The following SAMTOR variants were observed in gnomAD, a reference collection of about 807,000 sequenced individuals.
The protein encoded by SAMTOR is S-adenosylmethionine sensor upstream of mTORC1.
chr7:112,871,128 TA>T, the SAMTOR span, among the ~76,000 whole-genome samples: 50 of 152,098 alleles, frequency 3.3e-4, 1 homozygote, highest in African/African-American at 9.7e-4. Flanking sequence ...GGCAAAAAAC[TA>T]AAATTCTGGA....
At chr7:112,888,668 A>G in the SAMTOR span, among the ~76,000 whole-genome samples, 2 of 152,174 alleles carry the variant, frequency 1.3e-5, no homozygotes, top group Admixed American at 6.5e-5. Context: ...AACCCTTGCT[A>G]TCTGAACCCA....
At chr7:112,834,357 T>C in the SAMTOR span, among the ~76,000 whole-genome samples, 1 of 152,176 alleles carries the variant, frequency 6.6e-6, no homozygotes, top group African/African-American at 2.4e-5. Flanking sequence ...GCTTTTATTA[T>C]CTTTTTTCCC....
At chr7:112,920,479 C>T in the SAMTOR span, among the ~76,000 whole-genome samples, 1 of 148,840 alleles carries the variant, frequency 6.7e-6, no homozygotes, top group South Asian at 2.2e-4. Flanking sequence ...TATGACAAAC[C>T]CACAGCCAAT....
the SAMTOR span, among the ~76,000 whole-genome samples, chr7:112,843,207 C>T: frequency 0.027 from 4,052 of 151,976 alleles, 64 homozygotes; most frequent in Middle Eastern, 0.045. Context: ...AAAGACAGAT[C>T]CCTTTTCAAA....
At chr7:112,928,831 T>C in the SAMTOR span, among the ~76,000 whole-genome samples, 9 of 152,110 alleles carry the variant, frequency 5.9e-5, no homozygotes, top group South Asian at 1.5e-3. Context: ...TTTTGTGTTA[T>C]TGTCAAAAGA....
chr7:112,840,724 G>A, the SAMTOR span, among the ~76,000 whole-genome samples: 15 of 151,520 alleles, frequency 9.9e-5, no homozygotes, highest in Admixed American at 7.2e-4. Context: ...TCTATTTCCC[G>A]TAGAAATTTT....
At chr7:112,842,027 C>G in the SAMTOR span, among the ~76,000 whole-genome samples, 1 of 152,072 alleles carries the variant, frequency 6.6e-6, no homozygotes, top group Non-Finnish European at 1.5e-5. Flanking sequence ...CTTTATAGGT[C>G]TGTTCTTGCT....
the SAMTOR span, among the ~76,000 whole-genome samples, chr7:112,894,391 T>C: frequency 6.6e-6 from 1 of 152,164 alleles, no homozygotes; most frequent in South Asian, 2.1e-4. Context: ...AAAACAGACA[T>C]CATAATAATG....
At chr7:112,892,337 T>C in the SAMTOR span, among the ~76,000 whole-genome samples, 2 of 152,220 alleles carry the variant, frequency 1.3e-5, no homozygotes, top group African/African-American at 4.8e-5. Context: ...AATATTCTGA[T>C]CTGCTCCCAT....
At chr7:112,830,232 T>G in the SAMTOR span, among the ~76,000 whole-genome samples, 3 of 152,172 alleles carry the variant, frequency 2.0e-5, no homozygotes, top group African/African-American at 7.2e-5. Context: ...GAGATTACTG[T>G]CCTTCATTAC....
chr7:112,898,713 T>C, the SAMTOR span, among the ~76,000 whole-genome samples: 1 of 152,222 alleles, frequency 6.6e-6, no homozygotes, highest in African/African-American at 2.4e-5. Context: ...TCTGTGTCAC[T>C]TCTTCCCCAA....
the SAMTOR span, among the ~76,000 whole-genome samples, chr7:112,857,965 G>T: frequency 6.6e-6 from 1 of 152,128 alleles, no homozygotes; most frequent in South Asian, 2.1e-4. Flanking sequence ...ATGTCCCCTG[G>T]GATGCACAAT....
the SAMTOR span, among the ~76,000 whole-genome samples, chr7:112,890,196 C>T: frequency 1.3e-5 from 2 of 152,084 alleles, no homozygotes; most frequent in Non-Finnish European, 2.9e-5. Flanking sequence ...ATTTGAAAAG[C>T]GCCTAAATGT....
the SAMTOR span, among the ~76,000 whole-genome samples, chr7:112,841,155 A>G: frequency 6.6e-6 from 1 of 152,166 alleles, no homozygotes; most frequent in East Asian, 1.9e-4. Context: ...CTCTTTGCAG[A>G]TGACATGATT....
the SAMTOR span, among the ~76,000 whole-genome samples, chr7:112,875,795 T>C: frequency 6.6e-6 from 1 of 152,314 alleles, no homozygotes; most frequent in East Asian, 1.9e-4. Context: ...ATGACTGACT[T>C]TCTGAACTGT....
the SAMTOR span, among the ~76,000 whole-genome samples, chr7:112,916,392 C>T: frequency 6.6e-6 from 1 of 152,138 alleles, no homozygotes; most frequent in Non-Finnish European, 1.5e-5. Flanking sequence ...GGTTCTTACA[C>T]CCCATAAGGA....
chr7:112,833,789 A>C, the SAMTOR span, among the ~76,000 whole-genome samples: 1 of 152,208 alleles, frequency 6.6e-6, no homozygotes, highest in African/African-American at 2.4e-5. Context: ...GCAATATACT[A>C]AGCCTATTTC....
chr7:112,890,074 T>TA, the SAMTOR span, among the ~76,000 whole-genome samples: 4 of 151,770 alleles, frequency 2.6e-5, no homozygotes, highest in Admixed American at 6.6e-5. Flanking sequence ...GGAAATGAGA[T>TA]AGATATAGAG....
the SAMTOR span, among the ~76,000 whole-genome samples, chr7:112,938,251 T>C: frequency 6.6e-6 from 1 of 152,202 alleles, no homozygotes; most frequent in Non-Finnish European, 1.5e-5. Context: ...TCAAAAAACA[T>C]ATTTTACCAT....
Sources: allele counts gnomAD v4.1 joint callset (sites outside exome capture counted in the v4.1 genomes callset), GRCh38; gene constraint gnomAD v4.1.1; transcripts MANE v1.5; gene names NCBI Gene and HGNC (gene_info 2026-07-23, HGNC 2026-07-21).